Variants in TNRC6A observed in about 807,000 individuals in gnomAD.
TNRC6A encodes trinucleotide repeat containing adaptor 6A.
TNRC6A carries 44 observed loss-of-function variants against 221.2 expected under a neutral mutation model. The ratio of observed to expected loss-of-function variants is 0.20; its 90% CI spans 0.16 to 0.26. TNRC6A has a LOEUF of 0.26. Ranked by LOEUF, TNRC6A falls within the 10% of genes least tolerant of loss-of-function variation. TNRC6A has a pLI of 1.00. For missense variants in TNRC6A, 2,199 were observed against 2,404.4 expected (o/e 0.91, Z 1.79); for synonymous variants, 847 against 838.5 (o/e 1.01, Z -0.18).
At chr16:24,678,942 G>T (rs1338516028) in intron 2 of TNRC6A, among the ~76,000 whole-genome samples, 3 of 151,888 alleles carry the variant, frequency 2.0e-5, no homozygotes, top group African/African-American at 7.3e-5. Flanking sequence ...GGTTCAGAGA[G>T]AGACTAAGTC....
Position 24,758,379 on chromosome 16 carries a change from T to A in TNRC6A, c.163+19T>A. 6.2e-7 allele frequency: 1 copy of A among 1,609,128 alleles called. No homozygotes were observed. The stretch of plus-strand genomic sequence containing the variant: ...ATCAAAGGTACGTTGTTTAAAGCTA[T>A]TTTTTATCCCTTTTTTCATTAAAGC... On this transcript the variant is annotated intron_variant, in intron 4 of 24. Coordinates refer to ENST00000395799, the MANE Select transcript of TNRC6A (RefSeq NM_014494.4).
chr16:24,656,929 C>T (rs564339472), intron 2 of TNRC6A, among the ~76,000 whole-genome samples: 45 of 152,048 alleles, frequency 3.0e-4, no homozygotes, highest in Non-Finnish European at 5.6e-4. Context: ...CAGAATCAAA[C>T]CTAATAAAAG....
At chr16:24,783,946 A>G (rs990192152) in intron 5 of TNRC6A, among the ~76,000 whole-genome samples, 7 of 152,188 alleles carry the variant, frequency 4.6e-5, no homozygotes, top group South Asian at 2.1e-4. Context: ...TGTTCTTTTC[A>G]TCCTTTCAGT....
intron 5 of TNRC6A, among the ~76,000 whole-genome samples, chr16:24,784,719 C>T (rs1221393168): frequency 1.3e-5 from 2 of 152,146 alleles, no homozygotes; most frequent in Admixed American, 1.3e-4. Flanking sequence ...AGGTTTTGAT[C>T]AAGTGGCTTC....
At chr16:24,631,781 A>C (rs1224514761) in intron 1 of TNRC6A, among the ~76,000 whole-genome samples, 3 of 151,666 alleles carry the variant, frequency 2.0e-5, no homozygotes, top group African/African-American at 2.4e-5. Flanking sequence ...CAAAAAAAAA[A>C]AACAACAAAA....
At position 24,820,294 on chromosome 16, in the gene TNRC6A, A is replaced by G. The variant is rs769604415; in HGVS notation, c.5236A>G (p.Thr1746Ala). The G allele has an allele frequency of 7.4e-6, 12 of 1,614,044 alleles. No individual in the cohort carries two copies. In the South Asian group the frequency reaches 7.7e-5, roughly 10 times the overall value. The change falls in exon 22 of 25, where the codon ACG (threonine) becomes GCG (alanine). Residue 1746 changes from threonine to alanine, a missense_variant. Coordinates refer to ENST00000395799, the MANE Select transcript of TNRC6A (RefSeq NM_014494.4). Reference protein sequence around the residue: ...GLTGQKPPLSTWDNSPLRIGG... With the variant: ...GLTGQKPPLSAWDNSPLRIGG... ...GACTGGTCAGAAGCCACCCTTGTCT[A>G]CGTGGGATAATTCTCCCCTTCGTAT... is the stretch of plus-strand genomic sequence containing the variant.
rs543415471 is a variant in TNRC6A at position 24,616,516 on chromosome 16, T to C, written n.276+6032T>C. ...CACGCAAAATATGAGATTCTGTTAT[T>C]TCTATCTTGACAACAGTCAGAAAAT... On this transcript the variant is annotated intron_variant and non_coding_transcript_variant, in intron 1 of 2. Coordinates refer to the TNRC6A transcript ENST00000566108. Among the ~76,000 whole-genome samples the C allele has an allele frequency of 2.4e-4, 37 of 152,290 alleles. No homozygotes were observed. The South Asian group carries it at 6.6e-3, about 27-fold the overall frequency.
intron 2 of TNRC6A, among the ~76,000 whole-genome samples, chr16:24,656,204 T>A (rs985428938): frequency 4.0e-5 from 6 of 151,088 alleles, no homozygotes; most frequent in African/African-American, 1.5e-4. Context: ...GGCTCAGGCC[T>A]GTAATCCCAG....
intron 2 of TNRC6A, among the ~76,000 whole-genome samples, chr16:24,737,621 C>A (rs920958576): frequency 2.6e-5 from 4 of 152,172 alleles, no homozygotes; most frequent in Non-Finnish European, 5.9e-5. Flanking sequence ...ATACTTTGAA[C>A]CTTACAAGAT....
intron 5 of TNRC6A, among the ~76,000 whole-genome samples, chr16:24,785,543 C>T (rs1019404086): frequency 6.6e-6 from 1 of 152,060 alleles, no homozygotes; most frequent in Non-Finnish European, 1.5e-5. Context: ...ATTGTTTTTT[C>T]ATGTTGATCT....
At chr16:24,690,811 T>TA (rs1491281847) in intron 2 of TNRC6A, among the ~76,000 whole-genome samples, 1 of 56,384 alleles carries the variant, frequency 1.8e-5, no homozygotes, top group Non-Finnish European at 3.3e-5. Flanking sequence ...CTTTTCTTTC[T>TA]TTTTTTTTTT....
At chr16:24,750,687 A>G (rs1255241162) in intron 2 of TNRC6A, 39 bp from the exon 3 acceptor site, 2 of 1,490,714 alleles carry the variant, frequency 1.3e-6, no homozygotes, top group African/African-American at 2.8e-5. Flanking sequence ...TTATTTCTTA[A>G]TACATTTTGG....
At chr16:24,754,784 G>A (rs1001494692) in intron 3 of TNRC6A, among the ~76,000 whole-genome samples, 33 of 152,286 alleles carry the variant, frequency 2.2e-4, no homozygotes, top group African/African-American at 7.9e-4. Flanking sequence ...GTTGAAGGCC[G>A]AGGGGAAGCA....
chr16:24,656,022 G>A (rs1354688789), intron 2 of TNRC6A, among the ~76,000 whole-genome samples: 3 of 149,524 alleles, frequency 2.0e-5, no homozygotes, highest in African/African-American at 7.4e-5. Flanking sequence ...GAGTGCCTGT[G>A]GTCCCAGCTA....
At chr16:24,687,859 G>GAAGAAGAAGAAGAAGAAGAAGAAGAAT (rs1567357050) in intron 2 of TNRC6A, among the ~76,000 whole-genome samples, 5 of 149,688 alleles carry the variant, frequency 3.3e-5, no homozygotes, top group African/African-American at 1.2e-4. Context: ...AGAAGAAGAA[G>GAAGAAGAAGAAGAAGAAGAAGAAGAAT]AAGAAGAAGA....
intron 2 of TNRC6A, among the ~76,000 whole-genome samples, chr16:24,698,017 G>T (rs2055895726): frequency 7.5e-6 from 1 of 133,192 alleles, no homozygotes; most frequent in Admixed American, 8.7e-5. Context: ...GTGAGGCTCT[G>T]TCTCAAAAAA....
chr16:24,794,594 G>T lies in TNRC6A; in HGVS notation c.3403G>T (p.Gly1135Ter). 1 of 1,613,990 alleles carries T rather than the reference G, an allele frequency of 6.2e-7. No homozygotes were observed. Among genetic ancestry groups the T allele is most frequent in the Non-Finnish European group, 8.5e-7 (1 of 1,179,920 alleles). ...GTGTGGTGATGATATGCCATTGCCT[G>T]GAAATCGCCCCACTGGCTGGGAAGA... ...GWCGDDMPLPGNRPTGWEEEE... is the reference protein window; with the variant it reads ...GWCGDDMPLP The change falls in exon 8 of 25, where the codon GGA becomes TGA. Residue 1135 changes from glycine (G) to a stop codon, truncating the protein, a stop_gained. Coordinates refer to ENST00000395799, the MANE Select transcript of TNRC6A (RefSeq NM_014494.4). LOFTEE classifies it high-confidence loss of function.
intron 2 of TNRC6A, among the ~76,000 whole-genome samples, chr16:24,684,793 G>A (rs774008982): frequency 6.6e-6 from 1 of 152,180 alleles, no homozygotes; most frequent in Admixed American, 6.5e-5. Flanking sequence ...GCAACAGAGC[G>A]AGACTGTGTC....
chr16:24,784,155 C>G (rs1376369951), intron 5 of TNRC6A, among the ~76,000 whole-genome samples: 1 of 152,088 alleles, frequency 6.6e-6, no homozygotes, highest in African/African-American at 2.4e-5. Flanking sequence ...GGGCCTGTTA[C>G]CACACCCGGT....
Sources: allele counts gnomAD v4.1 joint callset (sites outside exome capture counted in the v4.1 genomes callset), GRCh38; gene constraint gnomAD v4.1.1; transcripts MANE v1.5; gene names NCBI Gene and HGNC (gene_info 2026-07-23, HGNC 2026-07-21).